Variants in TRHDE observed in about 807,000 individuals in gnomAD.
TRHDE encodes thyrotropin releasing hormone degrading enzyme.
A neutral mutation model predicts 125.7 loss-of-function variants in TRHDE; 72 were observed. The ratio of observed to expected loss-of-function variants is 0.57; its 90% confidence interval spans 0.47 to 0.70. The LOEUF (loss-of-function observed/expected upper bound fraction) is 0.70, where lower values mean the gene tolerates loss of function less well. TRHDE is among the 30% of genes least tolerant of loss of function. The pLI is 0.00. For missense variants in TRHDE, 1,110 were observed against 1,327.1 expected (o/e 0.84, Z 2.54); for synonymous variants, 509 against 509.1 (o/e 1.00, Z 0.00).
At chr12:72,469,975 C>T in intron 4 of TRHDE, 63 bp downstream of exon 4, 1 of 1,516,720 alleles carries the variant, frequency 6.6e-7, no homozygotes, top group Non-Finnish European at 9.0e-7. Context: ...TTTTGAATAC[C>T]TACATTAAGA....
At position 72,443,180 on chromosome 12, in the gene TRHDE, G is replaced by A. The variant is rs375245091; in HGVS notation, c.1316-26578G>A. Reference sequence around the variant, plus strand: ...ATAGCTTATTTTCCACACATACTTCGCTACTTCTTTCCTGTGTGTGTGTGT... The same window carrying A: ...ATAGCTTATTTTCCACACATACTTCACTACTTCTTTCCTGTGTGTGTGTGT... On this transcript the variant is annotated intron_variant, in intron 3 of 18. Coordinates refer to ENST00000261180, the MANE Select transcript of TRHDE (RefSeq NM_013381.3). Among the ~76,000 whole-genome samples, 58 of 142,736 alleles carry A rather than the reference G, an allele frequency of 4.1e-4. No homozygotes were observed. In the South Asian group the frequency reaches 8.2e-3, roughly 20 times the overall value. The allele number at this position is 142,736 out of a possible 152,430, so 93.6% of individuals were successfully genotyped here.
intron 2 of TRHDE, chr12:72,137,739 A>G (rs1876016225): frequency 1.3e-5 from 2 of 152,222 alleles, no homozygotes; most frequent in South Asian, 4.1e-4. Flanking sequence ...GCAGGCAGGC[A>G]AAAAGAAGGA....
intron 2 of TRHDE, among the ~76,000 whole-genome samples, chr12:72,164,885 T>A (rs1876711371): frequency 6.6e-6 from 1 of 152,172 alleles, no homozygotes; most frequent in South Asian, 2.1e-4. Flanking sequence ...GGCCGGCCAC[T>A]TCCAGATTCC....
In TRHDE at chr12:72,586,133, G is replaced by A. The variant is rs138595253; in HGVS notation, c.2321+10591G>A. 1.8e-3 allele frequency among the ~76,000 whole-genome samples: 270 copies of A among 147,016 alleles called. 2 individuals are homozygous for A. Among genetic ancestry groups the A allele is most frequent in the African/African-American group, 6.9e-3 (259 of 37,572 alleles). On this transcript the variant is annotated intron_variant, in intron 12 of 18. Coordinates refer to ENST00000261180, the MANE Select transcript of TRHDE (RefSeq NM_013381.3). ...TTTGGCTTCAACTGTAGGCAAGGTA[G>A]CAATGCTATCATGATAAGAATAAGA... is the stretch of plus-strand genomic sequence containing the variant.
chr12:72,467,438 A>G (rs1402123962), intron 3 of TRHDE, among the ~76,000 whole-genome samples: 1 of 151,920 alleles, frequency 6.6e-6, no homozygotes, highest in Non-Finnish European at 1.5e-5. Context: ...TTTTCGTGTT[A>G]TAGCTGTTAT....
chr12:72,404,555 T>C (rs1020667630), intron 3 of TRHDE, among the ~76,000 whole-genome samples: 4 of 152,188 alleles, frequency 2.6e-5, no homozygotes, highest in African/African-American at 9.7e-5. Context: ...CTCACAATCA[T>C]GGCAGAAGGT....
intron 3 of TRHDE, among the ~76,000 whole-genome samples, chr12:72,464,597 C>T (rs978276779): frequency 6.6e-6 from 1 of 151,948 alleles, no homozygotes; most frequent in South Asian, 2.1e-4. Context: ...CTTTGATTTT[C>T]AAAAGTCAGA....
Position 72,273,335 on chromosome 12 carries a change from G to GAGT in TRHDE, c.693_695dup (p.Val232dup). 6.2e-7 allele frequency: 1 copy of GAGT among 1,614,108 alleles called. No homozygotes were observed. Among genetic ancestry groups the GAGT allele is most frequent in the Non-Finnish European group, 8.5e-7 (1 of 1,180,014 alleles). On this transcript the variant is annotated inframe_insertion, in exon 1 of 19. Coordinates refer to ENST00000261180, the MANE Select transcript of TRHDE (RefSeq NM_013381.3). The surrounding 1 kb of genome is among the most constrained non-coding windows in gnomAD (Gnocchi z 5.3). ...CGCTACGTAGTGCTGCACGCTTCCC[G>GAGT]AGTGGCGGTGGAGAAAGTGCAGCTG...
chr12:72,478,933 A>AC (rs951864293), intron 5 of TRHDE, among the ~76,000 whole-genome samples: 10 of 151,296 alleles, frequency 6.6e-5, no homozygotes, highest in South Asian at 2.1e-4. Flanking sequence ...AAAAAAAAAA[A>AC]AAAAAAAACA....
intron 2 of TRHDE, among the ~76,000 whole-genome samples, chr12:72,148,468 A>G (rs1485235853): frequency 1.3e-5 from 2 of 152,172 alleles, no homozygotes; most frequent in Admixed American, 6.5e-5. Context: ...TTTTACTCTC[A>G]TTTCTGTTTT....
At chr12:72,294,185 T>G (rs1424300021) in intron 2 of TRHDE, among the ~76,000 whole-genome samples, 1 of 152,202 alleles carries the variant, frequency 6.6e-6, no homozygotes, top group East Asian at 1.9e-4. Flanking sequence ...ACATGGCAAG[T>G]AAGGGGCATG....
chr12:72,638,227 C>A (rs1387338347), intron 15 of TRHDE, among the ~76,000 whole-genome samples: 9 of 148,790 alleles, frequency 6.0e-5, no homozygotes, highest in African/African-American at 1.2e-4. Context: ...GTTAGCTCTT[C>A]TTGTTGAATT....
At chr12:72,395,144 T>A (rs1288404309) in intron 3 of TRHDE, among the ~76,000 whole-genome samples, 1 of 152,196 alleles carries the variant, frequency 6.6e-6, no homozygotes, top group Non-Finnish European at 1.5e-5. Context: ...CTCTTGAAGT[T>A]GTTGCTCCTA....
Position 72,658,389 on chromosome 12 carries a change from G to A in TRHDE, c.3066+1381G>A, listed in dbSNP as rs546488339. Among the ~76,000 whole-genome samples, 5 of 152,228 alleles carry A rather than the reference G, an allele frequency of 3.3e-5. No individual in the cohort carries two copies. In the South Asian group the frequency reaches 8.3e-4, roughly 25 times the overall value. On this transcript the variant is annotated intron_variant, in intron 18 of 18. Transcript: ENST00000261180. ...ACAACCTGTGCAGCCATTGAAGTGA[G>A]CACAGAGCAAAATCTCTCCCTCTTC... is the stretch of plus-strand genomic sequence containing the variant.
chr12:72,112,943 C>T (rs781189832), intron 2 of TRHDE, among the ~76,000 whole-genome samples: 2 of 152,216 alleles, frequency 1.3e-5, no homozygotes, highest in Non-Finnish European at 2.9e-5. Flanking sequence ...AGCCATTACA[C>T]AGGCTAGCCA....
Position 72,360,883 on chromosome 12 carries a change from T to C in TRHDE, c.1189-17112T>C, listed in dbSNP as rs769580290. Among the ~76,000 whole-genome samples, 6 of 151,716 alleles carry C rather than the reference T, an allele frequency of 4.0e-5. No individual in the cohort carries two copies. The East Asian group carries it at 5.8e-4, about 15-fold the overall frequency. ...GTGCAGGATATGGAGGTTTGTTACA[T>C]AGGTAAACGTGTGCTGGGGTGGTTT... On this transcript the variant is annotated intron_variant, in intron 2 of 18. Transcript: ENST00000261180.
At chr12:72,643,005 G>A (rs1257834633) in intron 15 of TRHDE, among the ~76,000 whole-genome samples, 1 of 152,150 alleles carries the variant, frequency 6.6e-6, no homozygotes, top group African/African-American at 2.4e-5. Context: ...CATTAACAAT[G>A]GAAGTCATTG....
At chr12:72,252,774 T>G (rs1878714186) in intron 2 of TRHDE, among the ~76,000 whole-genome samples, 1 of 152,144 alleles carries the variant, frequency 6.6e-6, no homozygotes, top group African/African-American at 2.4e-5. Flanking sequence ...GACTATAGTA[T>G]GTCTCTCTGT....
At chr12:72,127,376 C>A (rs1489470457) in intron 2 of TRHDE, among the ~76,000 whole-genome samples, 2 of 152,168 alleles carry the variant, frequency 1.3e-5, no homozygotes, top group Non-Finnish European at 2.9e-5. Context: ...ATTAAAAAGA[C>A]ACATGTACTC....
Sources: allele counts gnomAD v4.1 joint callset (sites outside exome capture counted in the v4.1 genomes callset), GRCh38; gene constraint gnomAD v4.1.1; non-coding constraint Gnocchi (gnomAD v3.1); transcripts MANE v1.5; gene names NCBI Gene and HGNC (gene_info 2026-07-23, HGNC 2026-07-21).